Variants in RUNX3 observed in about 807,000 individuals in gnomAD.
RUNX3 encodes RUNX family transcription factor 3.
In RUNX3, 10 loss-of-function variants were observed where a neutral mutation model predicts 27.7. That is an observed-to-expected ratio of 0.36 (90% confidence interval 0.22 to 0.61). The LOEUF (loss-of-function observed/expected upper bound fraction) is 0.61, where lower values mean the gene tolerates loss of function less well. Ranked by LOEUF, RUNX3 falls within the 20% of genes least tolerant of loss-of-function variation. RUNX3 has a pLI of 0.72. For synonymous variants in RUNX3, 270 were observed against 269.2 expected, an observed-to-expected ratio of 1.00 and a Z score of -0.03; for missense variants, 469 against 629.5, an observed-to-expected ratio of 0.75 and a Z score of 2.73.
chr1:24,956,196 C>T (rs992348529), intron 2 of RUNX3, among the ~76,000 whole-genome samples: 1 of 152,224 alleles, frequency 6.6e-6, no homozygotes, highest in Non-Finnish European at 1.5e-5. Context: ...GGGAGCAGGC[C>T]GTTCCCAGGC....
chr1:24,938,476 G>A (rs778038348), intron 2 of RUNX3, among the ~76,000 whole-genome samples: 28 of 152,166 alleles, frequency 1.8e-4, no homozygotes, highest in East Asian at 3.9e-4. Flanking sequence ...ACAAACTTTC[G>A]GAGGATCTGG....
chr1:24,927,488 G>T lies in RUNX3; in HGVS notation c.439+86C>A. On this transcript the variant is annotated intron_variant, in intron 2 of 4. Coordinates refer to ENST00000308873, the MANE Select transcript of RUNX3 (RefSeq NM_004350.3). The surrounding 1 kb of genome is among the most constrained non-coding windows in gnomAD (Gnocchi z 5.0). ...GCTGCATCTGGAGACCTGTTTTTCG[G>T]GATTCTAAGGCCCCTCTTTCAACCT... 1 of 1,359,210 alleles carries T rather than the reference G, an allele frequency of 7.4e-7. No homozygotes were observed. Among genetic ancestry groups the T allele is most frequent in the Non-Finnish European group, 1.0e-6 (1 of 960,434 alleles). The allele number at this position is 1,359,210 out of a possible 1,614,324, so 84.2% of individuals were successfully genotyped here. A position where few individuals can be genotyped will look rare whatever the true frequency, so the allele number is the denominator to read the frequency against.
At chr1:24,925,879 C>G (rs1340353383) in intron 2 of RUNX3, among the ~76,000 whole-genome samples, 1 of 152,178 alleles carries the variant, frequency 6.6e-6, no homozygotes, top group Non-Finnish European at 1.5e-5. Context: ...CCTTGGAAAC[C>G]CATTTCCCTC....
intron 4 of RUNX3, among the ~76,000 whole-genome samples, chr1:24,905,061 G>T (rs1640638239): frequency 6.6e-6 from 1 of 152,194 alleles, no homozygotes; most frequent in African/African-American, 2.4e-5. Flanking sequence ...TGGGGTATGG[G>T]AGGTGCTGGG....
Position 24,902,011 on chromosome 1 carries a change from C to T in RUNX3, c.*111G>A, listed in dbSNP as rs1377528929. Reference sequence around the variant, plus strand: ...AGCTGGGACCACCCTGGGACCGAGACCACCCTGGAGCGCAGGTCCCATTCC... The same window carrying T: ...AGCTGGGACCACCCTGGGACCGAGATCACCCTGGAGCGCAGGTCCCATTCC... On this transcript the variant is annotated 3_prime_UTR_variant, in exon 5 of 5. Coordinates refer to ENST00000308873, the MANE Select transcript of RUNX3 (RefSeq NM_004350.3). This position sits in a 1 kb window ranked among gnomAD's most constrained non-coding sequence, Gnocchi z 9.2. 9 of 1,070,550 alleles carry T rather than the reference C, an allele frequency of 8.4e-6. No homozygotes were observed. The highest frequency in any genetic ancestry group is 1.0e-5 in the Non-Finnish European group (8 of 766,456). The allele number at this position is 1,070,550 out of a possible 1,614,324, so 66.3% of individuals were successfully genotyped here.
In RUNX3 at chr1:24,952,326, A is replaced by G. The variant is rs182816795; in HGVS notation, c.58+12188T>C. ...CACACCAGCCCCTTCCAGATGCATC[A>G]TCTCACCCCAAGAGATAACTCAATA... On this transcript the variant is annotated intron_variant, in intron 2 of 6. Coordinates refer to the RUNX3 transcript ENST00000338888. Among the ~76,000 whole-genome samples the G allele has an allele frequency of 1.4e-3, 216 of 152,286 alleles. 2 individuals carry two copies. Among genetic ancestry groups the G allele is most frequent in the Non-Finnish European group, 6.5e-4 (44 of 68,028 alleles).
intron 3 of RUNX3, among the ~76,000 whole-genome samples, chr1:24,915,389 A>C (rs530586593): frequency 1.3e-5 from 2 of 152,312 alleles, no homozygotes; most frequent in East Asian, 3.9e-4. Context: ...TTGCCACTGC[A>C]CTCCAGCCTG....
chr1:24,940,602 C>T (rs1641453125), intron 2 of RUNX3, among the ~76,000 whole-genome samples: 1 of 152,012 alleles, frequency 6.6e-6, no homozygotes, highest in African/African-American at 2.4e-5. Context: ...ATAGTTAATA[C>T]AAAAATCATA....
chr1:24,924,296 A>C (rs557912681), intron 2 of RUNX3, among the ~76,000 whole-genome samples: 1 of 152,150 alleles, frequency 6.6e-6, no homozygotes, highest in Admixed American at 6.5e-5. Flanking sequence ...TGAGACCAGG[A>C]GGTTGAGACT....
At position 24,929,934 on chromosome 1, in the gene RUNX3, G is replaced by A; in HGVS notation, c.-66C>T. On this transcript the variant is annotated 5_prime_UTR_variant, in exon 1 of 5. Transcript: ENST00000308873. Reference sequence around the variant, plus strand: ...GGCTTCCCCCGGGGGCGGCCGGCGCGGGCGCCTCCTCGGCCGCCGCTGCCG... The same window carrying A: ...GGCTTCCCCCGGGGGCGGCCGGCGCAGGCGCCTCCTCGGCCGCCGCTGCCG... 8.2e-7 allele frequency: 1 copy of A among 1,221,956 alleles called. No homozygotes were observed. The highest frequency in any genetic ancestry group is 1.0e-6 in the Non-Finnish European group (1 of 983,074). 75.7% of individuals were successfully genotyped at this position (1,221,956 alleles called of 1,614,324 possible). A position where few individuals can be genotyped will look rare whatever the true frequency, so the allele number is the denominator to read the frequency against.
At chr1:24,964,746 C>T (rs2124400120) in intron 1 of RUNX3, 1 of 1,434,018 alleles carries the variant, frequency 7.0e-7, no homozygotes, top group East Asian at 2.5e-5. Context: ...CCCCCTGCTG[C>T]TACGAAAAAG....
At position 24,901,036 on chromosome 1, in the gene RUNX3, G is replaced by GTTTTTTTTTTTTTTTTTTTTTTTGT. The variant is rs3085849; in HGVS notation, c.*1085_*1086insACAAAAAAAAAAAAAAAAAAAAAAA. 2 of 116,908 alleles carry GTTTTTTTTTTTTTTTTTTTTTTTGT rather than the reference G, an allele frequency of 1.7e-5. No homozygotes were observed. The highest frequency in any genetic ancestry group is 1.8e-5 in the Non-Finnish European group (1 of 56,426). The allele number at this position is 116,908 out of a possible 1,614,324, so 7.2% of individuals were successfully genotyped here. ...TGTTTTGTTTTTTTTTTGTTTTTTT[G>GTTTTTTTTTTTTTTTTTTTTTTTGT]TTTTTTTTTTTTTTTTGCTCAGGAC... On this transcript the variant is annotated 3_prime_UTR_variant, in exon 5 of 5. Coordinates refer to ENST00000308873, the MANE Select transcript of RUNX3 (RefSeq NM_004350.3).
chr1:24,923,768 C>T lies in RUNX3; in HGVS notation c.439+3806G>A, dbSNP rs557674717. Among the ~76,000 whole-genome samples the T allele has an allele frequency of 6.6e-6, 1 of 152,342 alleles. No homozygotes were observed. The highest frequency in any genetic ancestry group is 1.5e-5 in the Non-Finnish European group (1 of 68,038). ...AGCCAAGAAGCCATTCATCTCTCCC[C>T]CAACCAGCGGTTCCCCTCAGCCTGC... is the stretch of plus-strand genomic sequence containing the variant. On this transcript the variant is annotated intron_variant, in intron 2 of 4. Coordinates refer to ENST00000308873, the MANE Select transcript of RUNX3 (RefSeq NM_004350.3). The surrounding 1 kb of genome is among the most constrained non-coding windows in gnomAD (Gnocchi z 5.9).
chr1:24,919,014 C>A (rs1398581770), intron 3 of RUNX3, among the ~76,000 whole-genome samples: 2 of 152,252 alleles, frequency 1.3e-5, no homozygotes, highest in Non-Finnish European at 2.9e-5. Flanking sequence ...TCAGTAGTCT[C>A]CATGGACAGT....
Position 24,943,370 on chromosome 1 carries a change from A to G in RUNX3, c.59-13518T>C, listed in dbSNP as rs1224557125. ...GCTCTGAGACCCTGAGGATGTTAGA[A>G]TCTTCATCGCAGTAGCTCCCACTGA... On this transcript the variant is annotated intron_variant, in intron 2 of 6. Transcript: ENST00000338888. The surrounding 1 kb of genome is among the most constrained non-coding windows in gnomAD (Gnocchi z 4.6). Among the ~76,000 whole-genome samples the G allele has an allele frequency of 6.6e-6, 1 of 152,168 alleles. No individual in the cohort carries two copies. Among genetic ancestry groups the G allele is most frequent in the African/African-American group, 2.4e-5 (1 of 41,434 alleles).
rs773791670 is a variant in RUNX3 at position 24,907,383 on chromosome 1, C to T, written c.579G>A (p.Pro193=). 3.5e-5 allele frequency: 57 copies of T among 1,613,714 alleles called. No individual in the cohort carries two copies. The highest frequency in any genetic ancestry group is 2.4e-4 in the African/African-American group (18 of 74,886). Residue 193 remains proline, a synonymous_variant, in exon 4 of 5, where the codon CCG becomes CCA. Transcript: ENST00000308873. Reference sequence around the variant, plus strand: ...CCAGGTCCCCAAAGCGGTCAGGGAACGGCTTGGTCTGGTCCTCCAGCTTCT... The same window carrying T: ...CCAGGTCCCCAAAGCGGTCAGGGAATGGCTTGGTCTGGTCCTCCAGCTTCT... The part of the protein sequence containing the change: ...HRQKLEDQTK[P]FPDRFGDLER...
Position 24,929,790 on chromosome 1 carries a change from C to G in RUNX3, c.79G>C (p.Gly27Arg). The G allele has an allele frequency of 7.1e-7, 1 of 1,401,932 alleles. No homozygotes were observed. The highest frequency in any genetic ancestry group is 9.2e-7 in the Non-Finnish European group (1 of 1,084,466). The allele number at this position is 1,401,932 out of a possible 1,614,324, so 86.8% of individuals were successfully genotyped here. A position where few individuals can be genotyped will look rare whatever the true frequency, so the allele number is the denominator to read the frequency against. ...GCGCCGCTGTTCTCGCCCATCTTGCCGCCGCCGCCGCCGCAGGGGAAGGCC... is the reference window on the plus strand; with the variant it reads ...GCGCCGCTGTTCTCGCCCATCTTGCGGCCGCCGCCGCCGCAGGGGAAGGCC... Reference protein sequence around the residue: ...SPAFPCGGGGGKMGENSGALS... With the variant: ...SPAFPCGGGGRKMGENSGALS... Residue 27 changes from glycine (G) to arginine (R), a missense_variant, in exon 1 of 5, where the codon GGC becomes CGC. By Grantham distance (125) the Gly-to-Arg change is moderately radical. Coordinates refer to ENST00000308873, the MANE Select transcript of RUNX3 (RefSeq NM_004350.3).
intron 2 of RUNX3, among the ~76,000 whole-genome samples, chr1:24,947,581 C>T (rs542461638): frequency 3.3e-5 from 5 of 152,320 alleles, no homozygotes; most frequent in African/African-American, 9.6e-5. Context: ...AGGGACCTGA[C>T]GGCCCCAGAT....
At chr1:24,942,458 T>C (rs1641501431) in intron 2 of RUNX3, among the ~76,000 whole-genome samples, 1 of 151,410 alleles carries the variant, frequency 6.6e-6, no homozygotes, top group South Asian at 2.1e-4. Context: ...TCAGAGAGAG[T>C]GACTGGGTGG....
Sources: allele counts gnomAD v4.1 joint callset (sites outside exome capture counted in the v4.1 genomes callset), GRCh38; gene constraint gnomAD v4.1.1; non-coding constraint Gnocchi (gnomAD v3.1); transcripts MANE v1.5; gene names NCBI Gene and HGNC (gene_info 2026-07-23, HGNC 2026-07-21).